Variants in GRM5 observed in about 807,000 individuals in gnomAD.
GRM5 encodes glutamate metabotropic receptor 5, also known as metabotropic glutamate receptor 5.
A neutral mutation model predicts 83.1 loss-of-function variants in GRM5; 19 were observed. The ratio of observed to expected loss-of-function variants is 0.23; its 90% CI spans 0.16 to 0.34. GRM5 has a LOEUF of 0.34. Among genes scored for constraint, GRM5 ranks in the 10% least tolerant of loss-of-function variants. The pLI, the probability that GRM5 is intolerant of heterozygous loss-of-function variation, is 1.00. For missense variants in GRM5, 1,160 were observed against 1,588.3 expected (o/e 0.73, Z 4.58); for synonymous variants, 675 against 633.6 (o/e 1.07, Z -0.98).
chr11:88,574,269 A>T (rs1053636833), intron 7 of GRM5, among the ~76,000 whole-genome samples: 2 of 152,188 alleles, frequency 1.3e-5, no homozygotes, highest in African/African-American at 4.8e-5. Flanking sequence ...ATTCTAGTGC[A>T]TGGATAAGTC....
At chr11:88,594,980 TCTTC>T (rs1937759006) in intron 6 of GRM5, among the ~76,000 whole-genome samples, 1 of 152,196 alleles carries the variant, frequency 6.6e-6, no homozygotes. Flanking sequence ...CTTTGTCTTC[TCTTC>T]CTTCATTGAA....
chr11:88,683,804 TAAG>T (rs1014408329), intron 3 of GRM5, among the ~76,000 whole-genome samples: 2 of 152,194 alleles, frequency 1.3e-5, no homozygotes, highest in Non-Finnish European at 2.9e-5. Context: ...TGATAAGAGA[TAAG>T]AAGGGTGTTT....
chr11:88,978,930 T>C (rs535921183), intron 2 of GRM5, among the ~76,000 whole-genome samples: 1 of 152,182 alleles, frequency 6.6e-6, no homozygotes, highest in Non-Finnish European at 1.5e-5. Context: ...TTCTTTAAGA[T>C]TGCACTCTTT....
chr11:88,550,517 T>C (rs1285691949), intron 8 of GRM5, among the ~76,000 whole-genome samples: 1 of 152,212 alleles, frequency 6.6e-6, no homozygotes, highest in African/African-American at 2.4e-5. Context: ...ACATTTCAGC[T>C]AAGAAACTTA....
intron 7 of GRM5, among the ~76,000 whole-genome samples, chr11:88,576,834 C>G (rs1315621629): frequency 2.0e-5 from 3 of 152,104 alleles, no homozygotes; most frequent in Admixed American, 6.6e-5. Context: ...TGGAATTTTG[C>G]ACACATAATA....
intron 7 of GRM5, among the ~76,000 whole-genome samples, chr11:88,579,425 A>C (rs2135190483): frequency 6.6e-6 from 1 of 152,184 alleles, no homozygotes; most frequent in East Asian, 1.9e-4. Flanking sequence ...TAAACAATAT[A>C]AAATAGTATG....
intron 6 of GRM5, among the ~76,000 whole-genome samples, chr11:88,595,201 AG>A (rs2135215913): frequency 6.6e-6 from 1 of 152,296 alleles, no homozygotes; most frequent in African/African-American, 2.4e-5. Context: ...CGATCAGATC[AG>A]GGTAATTAGC....
At chr11:88,571,634 A>T (rs1360493832) in intron 7 of GRM5, among the ~76,000 whole-genome samples, 1 of 152,232 alleles carries the variant, frequency 6.6e-6, no homozygotes, top group Non-Finnish European at 1.5e-5. Flanking sequence ...TTTATTTTGA[A>T]TAAGCAACTT....
At chr11:88,729,100 A>T (rs1000852660) in intron 3 of GRM5, among the ~76,000 whole-genome samples, 1 of 152,210 alleles carries the variant, frequency 6.6e-6, no homozygotes, top group African/African-American at 2.4e-5. Context: ...TTTGCAGATG[A>T]CATGATTGTG....
At chr11:88,932,971 A>C (rs1219136269) in intron 2 of GRM5, among the ~76,000 whole-genome samples, 1 of 151,950 alleles carries the variant, frequency 6.6e-6, no homozygotes, top group Non-Finnish European at 1.5e-5. Flanking sequence ...AATCATGTGT[A>C]TGACCTTTTA....
chr11:88,932,550 T>C (rs534689374), intron 2 of GRM5, among the ~76,000 whole-genome samples: 2 of 152,036 alleles, frequency 1.3e-5, no homozygotes, highest in African/African-American at 4.8e-5. Context: ...TGTCTGTTAT[T>C]AATAAGATGT....
chr11:88,624,110 C>T (rs960019996), intron 4 of GRM5, among the ~76,000 whole-genome samples: 1 of 152,084 alleles, frequency 6.6e-6, no homozygotes, highest in African/African-American at 2.4e-5. Context: ...TGTATGAAGG[C>T]CTATAGTCCA....
rs202089075 is a variant in GRM5, at chr11:89,047,423, G to A, written c.450C>T (p.Gly150=). The A allele has an allele frequency of 1.9e-6, 3 of 1,613,856 alleles. No individual in the cohort carries two copies. The highest frequency in any genetic ancestry group is 1.3e-5 in the African/African-American group (1 of 75,044). Residue 150 remains glycine, a synonymous_variant, in exon 2 of 10, where the codon GGC becomes GGT. Transcript: ENST00000305447. The surrounding 1 kb of genome is among the most constrained non-coding windows in gnomAD (Gnocchi z 5.1). ...GGACCTGAATGGCTACAGAACTGGAGCCAGGCCCAATGACCCCTACTATGG... is the reference window on the plus strand; with the variant it reads ...GGACCTGAATGGCTACAGAACTGGAACCAGGCCCAATGACCCCTACTATGG... ...KKPIVGVIGP[G]SSSVAIQVQN...
At chr11:88,581,802 T>A (rs979248087) in intron 7 of GRM5, among the ~76,000 whole-genome samples, 8 of 152,218 alleles carry the variant, frequency 5.3e-5, no homozygotes, top group Non-Finnish European at 1.0e-4. Context: ...GTGTACTTGC[T>A]CTGAATGTTA....
chr11:88,837,739 G>A (rs1201051393), intron 3 of GRM5, among the ~76,000 whole-genome samples: 1 of 152,016 alleles, frequency 6.6e-6, no homozygotes, highest in East Asian at 1.9e-4. Flanking sequence ...ACGTCAACTG[G>A]TATTATTTAC....
chr11:88,967,666 G>A (rs944435571), intron 2 of GRM5, among the ~76,000 whole-genome samples: 4 of 152,052 alleles, frequency 2.6e-5, no homozygotes, highest in African/African-American at 9.7e-5. Flanking sequence ...ACTCTTTAGG[G>A]ATTAAATTTC....
intron 4 of GRM5, among the ~76,000 whole-genome samples, chr11:88,607,601 G>T (rs1938192254): frequency 6.6e-6 from 1 of 152,142 alleles, no homozygotes; most frequent in African/African-American, 2.4e-5. Context: ...AAAAGCCAAA[G>T]TCCTTGCAAT....
At chr11:89,031,327 T>A (rs892767172) in intron 2 of GRM5, among the ~76,000 whole-genome samples, 1 of 151,986 alleles carries the variant, frequency 6.6e-6, no homozygotes, top group African/African-American at 2.4e-5. Flanking sequence ...ATTTTCAAGT[T>A]GTACAAGAAT....
chr11:88,582,766 T>C (rs1466259334), intron 7 of GRM5, among the ~76,000 whole-genome samples: 1 of 152,148 alleles, frequency 6.6e-6, no homozygotes, highest in African/African-American at 2.4e-5. Context: ...ACATTTGGAA[T>C]AAAAAATATC....
Sources: gnomAD v4.1 joint callset for allele counts (sites outside exome capture counted in the v4.1 genomes callset) on GRCh38, gnomAD v4.1.1 for gene constraint, Gnocchi (gnomAD v3.1) non-coding constraint, MANE v1.5 for transcripts, NCBI Gene and HGNC (gene_info 2026-07-23, HGNC 2026-07-21) for gene names.